FAM219A: variants seen among roughly 807,000 people sequenced by gnomAD.
The protein encoded by FAM219A is family with sequence similarity 219 member A.
Under a neutral mutation model 23.4 loss-of-function variants are expected in FAM219A, and 7 were observed. That is an observed-to-expected ratio of 0.30 (90% CI 0.17 to 0.56). FAM219A has a LOEUF of 0.56. Among genes scored for constraint, FAM219A ranks in the 20% least tolerant of loss-of-function variants. FAM219A has a pLI of 0.92. For missense variants in FAM219A, 166 were observed against 246.9 expected (o/e 0.67, Z 2.20); for synonymous variants, 93 against 99.0 (o/e 0.94, Z 0.36).
chr9:34,406,803 CTTTTT>C (rs34985382), intron 1 of FAM219A, among the ~76,000 whole-genome samples: 2 of 127,534 alleles, frequency 1.6e-5, no homozygotes, highest in Non-Finnish European at 1.7e-5. Flanking sequence ...TGTCCAGAGT[CTTTTT>C]TTTTTTTTTT....
chr9:34,410,679 C>T (rs989211657), intron 1 of FAM219A, among the ~76,000 whole-genome samples: 4 of 152,190 alleles, frequency 2.6e-5, no homozygotes, highest in African/African-American at 9.7e-5. Context: ...GCTGACCTCA[C>T]TCTCAGTGCC....
intron 1 of FAM219A, among the ~76,000 whole-genome samples, chr9:34,437,430 G>T (rs1822962822): frequency 6.6e-6 from 1 of 152,214 alleles, no homozygotes; most frequent in Non-Finnish European, 1.5e-5. Flanking sequence ...AGGGCCAAAT[G>T]TGGAGCGCTA....
intron 1 of FAM219A, among the ~76,000 whole-genome samples, chr9:34,420,319 T>C (rs1188887633): frequency 6.6e-6 from 1 of 152,152 alleles, no homozygotes; most frequent in Admixed American, 6.5e-5. Context: ...GCGATAATGG[T>C]AGCGATATTA....
chr9:34,401,177 AGCTCTGCG>A, intron 5 of FAM219A, 55 bp from the exon 6 acceptor site: 1 of 1,589,962 alleles, frequency 6.3e-7, no homozygotes, highest in Non-Finnish European at 8.6e-7. Context: ...CACCACCCAC[AGCTCTGCG>A]GCCACTCCAG....
chr9:34,451,817 G>T (rs1823572117), intron 1 of FAM219A, among the ~76,000 whole-genome samples: 1 of 152,200 alleles, frequency 6.6e-6, no homozygotes, highest in African/African-American at 2.4e-5. Context: ...TTGCCTGGAA[G>T]AAACGGTTGG....
At chr9:34,439,441 T>G (rs185457536) in intron 1 of FAM219A, among the ~76,000 whole-genome samples, 2 of 152,236 alleles carry the variant, frequency 1.3e-5, no homozygotes, top group African/African-American at 4.8e-5. Context: ...TAAGTAAAAA[T>G]GAATCTGGTT....
At chr9:34,446,347 C>T (rs1229522522) in intron 1 of FAM219A, among the ~76,000 whole-genome samples, 1 of 152,126 alleles carries the variant, frequency 6.6e-6, no homozygotes, top group African/African-American at 2.4e-5. Context: ...TTGTGACAGG[C>T]CTTGATATAT....
At position 34,417,136 on chromosome 9, in the gene FAM219A, C is replaced by T. The variant is rs1459436527; in HGVS notation, c.61-11172G>A. Reference sequence around the variant, plus strand: ...CAGGCTGGTTGCCCAGGCTGGAGTGCAGTGGTGTGATCTCGGCTCACTGCC... The same window carrying T: ...CAGGCTGGTTGCCCAGGCTGGAGTGTAGTGGTGTGATCTCGGCTCACTGCC... On this transcript the variant is annotated intron_variant, in intron 1 of 5. Transcript: ENST00000651358. This position sits in a 1 kb window ranked among gnomAD's most constrained non-coding sequence, Gnocchi z 4.1. Among the ~76,000 whole-genome samples the T allele has an allele frequency of 2.0e-5, 3 of 151,974 alleles. No individual in the cohort carries two copies. The highest frequency in any genetic ancestry group is 1.3e-4 in the Admixed American group (2 of 15,238).
Position 34,398,356 on chromosome 9 carries a change from C to A in FAM219A, c.*2608G>T. The A allele has an allele frequency of 1.3e-6, 2 of 1,550,706 alleles. No homozygotes were observed. The highest frequency in any genetic ancestry group is 1.7e-6 in the Non-Finnish European group (2 of 1,146,984). Reference sequence around the variant, plus strand: ...ACGGAGAAACCTGGCTGGGTGGCAGCCACAGCTGAGAGAGGAGGGAGTGTT... The same window carrying A: ...ACGGAGAAACCTGGCTGGGTGGCAGACACAGCTGAGAGAGGAGGGAGTGTT... On this transcript the variant is annotated 3_prime_UTR_variant, in exon 6 of 6. Transcript: ENST00000651358.
intron 1 of FAM219A, among the ~76,000 whole-genome samples, chr9:34,425,213 G>C (rs2131971299): frequency 6.6e-6 from 1 of 152,196 alleles, no homozygotes; most frequent in Admixed American, 6.5e-5. Context: ...GCCCACAGTG[G>C]CTCATACCTG....
intron 4 of FAM219A, 44 bp downstream of exon 4, chr9:34,402,343 G>C: frequency 6.2e-7 from 1 of 1,614,126 alleles, no homozygotes; most frequent in South Asian, 1.1e-5. Flanking sequence ...GTGCTATACA[G>C]GTTCCTTTGG....
chr9:34,411,572 G>C lies in FAM219A; in HGVS notation c.61-5608C>G, dbSNP rs375828929. Reference sequence around the variant, plus strand: ...GGCGCCTGTAGTCCTAGCTACTCGGGAGGCTGAGGCAGGAGAATGGCTAGA... The same window carrying C: ...GGCGCCTGTAGTCCTAGCTACTCGGCAGGCTGAGGCAGGAGAATGGCTAGA... On this transcript the variant is annotated intron_variant, in intron 1 of 5. Coordinates refer to ENST00000651358, the MANE Select transcript of FAM219A (RefSeq NM_001184940.2). 1.6e-4 allele frequency among the ~76,000 whole-genome samples: 24 copies of C among 151,670 alleles called. 1 individual carries two copies. Among genetic ancestry groups the C allele is most frequent in the African/African-American group, 5.8e-4 (24 of 41,366 alleles).
intron 5 of FAM219A, 36 bp downstream of exon 5, chr9:34,401,630 C>T (rs780274351): frequency 1.0e-5 from 16 of 1,595,810 alleles, no homozygotes; most frequent in East Asian, 4.5e-5. Flanking sequence ...TGATCCTGCC[C>T]GGTGGTGTCT....
chr9:34,457,660 C>T lies in FAM219A; in HGVS notation c.60+544G>A, dbSNP rs1823798125. ...GCGCTCCCCACCGGAGAACGGAATTCCCAGGTTCTGCACCAACCACCTTCC... is the reference window on the plus strand; with the variant it reads ...GCGCTCCCCACCGGAGAACGGAATTTCCAGGTTCTGCACCAACCACCTTCC... On this transcript the variant is annotated intron_variant, in intron 1 of 5. Transcript: ENST00000651358. This position sits in a 1 kb window ranked among gnomAD's most constrained non-coding sequence, Gnocchi z 5.1. 1.3e-5 allele frequency among the ~76,000 whole-genome samples: 2 copies of T among 152,208 alleles called. No individual in the cohort carries two copies. Among genetic ancestry groups the T allele is most frequent in the South Asian group, 4.1e-4 (2 of 4,832 alleles).
rs1162936288 is a variant in FAM219A, at chr9:34,402,811, C to T, written c.161-4G>A. 5 of 1,613,654 alleles carry T rather than the reference C, an allele frequency of 3.1e-6. No individual in the cohort carries two copies. The highest frequency in any genetic ancestry group is 1.7e-5 in the Admixed American group (1 of 59,954). On this transcript the variant is annotated splice_region_variant and splice_polypyrimidine_tract_variant and intron_variant, in intron 2 of 5. Transcript: ENST00000651358. ...CGGGCCAGCTCCCGCTGCTTCTCTG[C>T]AGGAGAACATGGGAAGGAAGCTGTG...
chr9:34,402,540 C>G, intron 3 of FAM219A, 73 bp from the exon 4 acceptor site: 2 of 1,593,502 alleles, frequency 1.3e-6, no homozygotes, highest in Admixed American at 1.7e-5. Flanking sequence ...GGGTTGGGCC[C>G]CGTCCCACCA....
In FAM219A at chr9:34,398,512, C is replaced by T. The variant is rs1267949119; in HGVS notation, c.*2452G>A. On this transcript the variant is annotated 3_prime_UTR_variant, in exon 6 of 6. Transcript: ENST00000651358. The stretch of plus-strand genomic sequence containing the variant: ...ACACAGAAGCTGCCACTGCCAGCTT[C>T]CTGCCTCTCTCTGCCACACATGCAC... 2 of 805,298 alleles carry T rather than the reference C, an allele frequency of 2.5e-6. No individual in the cohort carries two copies. Among genetic ancestry groups the T allele is most frequent in the African/African-American group, 3.5e-5 (2 of 57,770 alleles). The allele number at this position is 805,298 out of a possible 1,614,324, so 49.9% of individuals were successfully genotyped here. A position where few individuals can be genotyped will look rare whatever the true frequency, so the allele number is the denominator to read the frequency against.
At chr9:34,444,818 T>A (rs1223973942) in intron 1 of FAM219A, among the ~76,000 whole-genome samples, 2 of 152,208 alleles carry the variant, frequency 1.3e-5, no homozygotes, top group African/African-American at 4.8e-5. Flanking sequence ...GAATAATTTA[T>A]TATTCTCTCT....
intron 1 of FAM219A, among the ~76,000 whole-genome samples, chr9:34,424,945 C>T (rs1232126261): frequency 6.6e-6 from 1 of 152,106 alleles, no homozygotes; most frequent in Non-Finnish European, 1.5e-5. Flanking sequence ...ACTAGGACTA[C>T]AGGTGTGTAC....
Sources: allele counts gnomAD v4.1 joint callset (sites outside exome capture counted in the v4.1 genomes callset), GRCh38; gene constraint gnomAD v4.1.1; non-coding constraint Gnocchi (gnomAD v3.1); transcripts MANE v1.5; gene names NCBI Gene and HGNC (gene_info 2026-07-23, HGNC 2026-07-21).